Variants in PRKD1 observed in about 807,000 individuals in gnomAD.
The protein encoded by PRKD1 is protein kinase D1, also known as serine/threonine-protein kinase D1.
PRKD1 carries 63 observed loss-of-function variants against 95.9 expected under a neutral mutation model. That is an observed-to-expected ratio of 0.66 (90% CI 0.54 to 0.81). The LOEUF is 0.81. Ranked by LOEUF, PRKD1 falls within the 30% of genes least tolerant of loss-of-function variation. The pLI is 0.00. For synonymous variants in PRKD1, 425 were observed against 423.1 expected (o/e 1.00, Z -0.05); for missense variants, 1,048 against 1,165.3 (o/e 0.90, Z 1.47).
intron 2 of PRKD1, among the ~76,000 whole-genome samples, chr14:29,718,576 T>C (rs898704369): frequency 6.6e-6 from 1 of 152,172 alleles, no homozygotes; most frequent in Non-Finnish European, 1.5e-5. Flanking sequence ...AAGACACATT[T>C]AACATAAGCC....
intron 4 of PRKD1, chr14:29,657,967 T>G (rs1374331433): frequency 6.6e-6 from 1 of 152,092 alleles, no homozygotes. Context: ...CAACAACCAC[T>G]CATTTGAAAA....
At chr14:29,729,755 A>G (rs1447558346) in intron 1 of PRKD1, among the ~76,000 whole-genome samples, 1 of 151,996 alleles carries the variant, frequency 6.6e-6, no homozygotes, top group East Asian at 1.9e-4. Context: ...GATTTGAGAC[A>G]TTTGAGACTT....
rs755637573 is a variant in PRKD1 at position 29,725,627 on chromosome 14, A to T, written c.312T>A (p.Phe104Leu). ...TGTTTTCAGAGGTAGGGTCATGGCGAAAAAGCAGGATCTTATCATACATTC... is the reference window on the plus strand; with the variant it reads ...TGTTTTCAGAGGTAGGGTCATGGCGTAAAAGCAGGATCTTATCATACATTC... ...FYGMYDKILL[F>L]RHDPTSENIL... Residue 104 changes from phenylalanine (F) to leucine (L), a missense_variant, in exon 2 of 18, where the codon TTT becomes TTA. Around this residue, in one of 3 missense-constraint regions of PRKD1, gnomAD observed 275 missense variants for 248.6 expected, o/e 1.11. Coordinates refer to ENST00000331968, the MANE Select transcript of PRKD1 (RefSeq NM_002742.3). 6.2e-7 allele frequency: 1 copy of T among 1,613,724 alleles called. No homozygotes were observed.
chr14:29,681,241 G>A (rs970356881), intron 2 of PRKD1, among the ~76,000 whole-genome samples: 3 of 152,116 alleles, frequency 2.0e-5, no homozygotes, highest in Admixed American at 6.6e-5. Flanking sequence ...TAGCTCTGTC[G>A]AGTTCTATAT....
intron 2 of PRKD1, among the ~76,000 whole-genome samples, chr14:29,675,771 C>A (rs1369310054): frequency 6.6e-6 from 1 of 152,114 alleles, no homozygotes; most frequent in East Asian, 1.9e-4. Flanking sequence ...AAATGTGGCA[C>A]ATATACACCA....
At chr14:29,731,026 G>T (rs146718181) in intron 1 of PRKD1, among the ~76,000 whole-genome samples, 1 of 152,038 alleles carries the variant, frequency 6.6e-6, no homozygotes, top group East Asian at 1.9e-4. Context: ...CAAAAAAAAG[G>T]TAAGTAAGTG....
At chr14:29,688,716 G>C (rs1884029094) in intron 2 of PRKD1, among the ~76,000 whole-genome samples, 2 of 152,150 alleles carry the variant, frequency 1.3e-5, no homozygotes, top group Admixed American at 1.3e-4. Context: ...CTGATTGCCT[G>C]AGCTTAGGAG....
chr14:29,614,399 A>G (rs1216192631), intron 13 of PRKD1, among the ~76,000 whole-genome samples: 2 of 152,202 alleles, frequency 1.3e-5, no homozygotes, highest in African/African-American at 4.8e-5. Context: ...TTTACAACTC[A>G]GCTCCTACAT....
At chr14:29,730,538 A>G (rs1045863018) in intron 1 of PRKD1, among the ~76,000 whole-genome samples, 7 of 152,126 alleles carry the variant, frequency 4.6e-5, no homozygotes, top group African/African-American at 1.7e-4. Context: ...ATCCGGAGGA[A>G]TTGAAGTGAG....
chr14:29,636,579 T>A, intron 6 of PRKD1, 85 bp from the exon 7 acceptor site: 1 of 1,352,314 alleles, frequency 7.4e-7, no homozygotes, highest in Non-Finnish European at 1.0e-6. Context: ...CTAAAACAAA[T>A]CAATTGGAAG....
At chr14:29,663,196 G>A (rs1882288716) in intron 4 of PRKD1, among the ~76,000 whole-genome samples, 2 of 143,496 alleles carry the variant, frequency 1.4e-5, no homozygotes, top group African/African-American at 5.2e-5. Context: ...AATATTTAAA[G>A]TGTTAAGTCC....
intron 1 of PRKD1, among the ~76,000 whole-genome samples, chr14:29,843,880 C>G (rs148973475): frequency 7.9e-5 from 12 of 152,280 alleles, no homozygotes; most frequent in Admixed American, 2.0e-4. Context: ...AGCTGCAGGA[C>G]AGGCTTCAAT....
At chr14:29,904,711 A>T (rs759867179) in intron 1 of PRKD1, among the ~76,000 whole-genome samples, 27 of 152,206 alleles carry the variant, frequency 1.8e-4, no homozygotes, top group Non-Finnish European at 3.4e-4. Context: ...AGCTTAAATA[A>T]TTAGGGATAT....
chr14:29,649,085 C>T (rs2139170354), intron 4 of PRKD1, among the ~76,000 whole-genome samples: 1 of 152,254 alleles, frequency 6.6e-6, no homozygotes, highest in South Asian at 2.1e-4. Flanking sequence ...AGTTGGGCTG[C>T]CTTATTTGGG....
rs186946404 is a variant in PRKD1, at chr14:29,855,620, T to A, written c.264+71629A>T. Among the ~76,000 whole-genome samples, 384 of 152,222 alleles carry A rather than the reference T, an allele frequency of 2.5e-3. 3 individuals are homozygous for A. The highest frequency in any genetic ancestry group is 8.8e-3 in the African/African-American group (366 of 41,550). ...GGTTTTGAAATGTGAAGACAGGAGATTTGGGAGGAGCCAGGGATGGAATGA... is the reference window on the plus strand; with the variant it reads ...GGTTTTGAAATGTGAAGACAGGAGAATTGGGAGGAGCCAGGGATGGAATGA... On this transcript the variant is annotated intron_variant, in intron 1 of 17. Transcript: ENST00000331968.
At chr14:29,730,668 G>C (rs1252587303) in intron 1 of PRKD1, among the ~76,000 whole-genome samples, 1 of 152,040 alleles carries the variant, frequency 6.6e-6, no homozygotes, top group Non-Finnish European at 1.5e-5. Context: ...GTGGTGTATT[G>C]ATACAGAATG....
At position 29,895,181 on chromosome 14, in the gene PRKD1, G is replaced by A. The variant is rs559651918; in HGVS notation, c.264+32068C>T. On this transcript the variant is annotated intron_variant, in intron 1 of 17. Coordinates refer to ENST00000331968, the MANE Select transcript of PRKD1 (RefSeq NM_002742.3). Reference sequence around the variant, plus strand: ...AAATACCAAAAATTATCTGGGCATGGTGGCGGACACCTGTAATCTCAGCTA... The same window carrying A: ...AAATACCAAAAATTATCTGGGCATGATGGCGGACACCTGTAATCTCAGCTA... Among the ~76,000 whole-genome samples the A allele has an allele frequency of 7.2e-5, 11 of 152,210 alleles. No individual in the cohort carries two copies. The South Asian group carries it at 2.1e-3, about 29-fold the overall frequency.
At chr14:29,820,715 C>A (rs532333898) in intron 1 of PRKD1, among the ~76,000 whole-genome samples, 56 of 152,120 alleles carry the variant, frequency 3.7e-4, no homozygotes, top group African/African-American at 1.2e-3. Flanking sequence ...GTATAACACG[C>A]TAAGGAACCA....
At chr14:29,910,024 G>A (rs1894648236) in intron 1 of PRKD1, among the ~76,000 whole-genome samples, 1 of 152,182 alleles carries the variant, frequency 6.6e-6, no homozygotes, top group African/African-American at 2.4e-5. Flanking sequence ...GTAAAAGCAG[G>A]CTGCCCTAGC....
Sources: allele counts gnomAD v4.1 joint callset (sites outside exome capture counted in the v4.1 genomes callset), GRCh38; gene constraint gnomAD v4.1.1; regional missense constraint gnomAD v4.1.1; transcripts MANE v1.5; gene names NCBI Gene and HGNC (gene_info 2026-07-23, HGNC 2026-07-21).